The following STAU2 variants were observed in gnomAD, a reference collection of about 807,000 sequenced individuals.
The protein encoded by STAU2 is staufen double-stranded RNA binding protein 2.
A neutral mutation model predicts 65.9 loss-of-function variants in STAU2; 20 were observed. The ratio of observed to expected loss-of-function variants is 0.30; its 90% CI spans 0.21 to 0.44. The LOEUF (loss-of-function observed/expected upper bound fraction) is 0.44, where lower values mean the gene tolerates loss of function less well. Ranked by LOEUF, STAU2 falls within the 20% of genes least tolerant of loss-of-function variation. STAU2 has a pLI of 1.00. For missense variants in STAU2, 558 were observed against 683.9 expected, an observed-to-expected ratio of 0.82 and a Z score of 2.05; for synonymous variants, 232 against 233.9, an observed-to-expected ratio of 0.99 and a Z score of 0.07.
intron 13 of STAU2, among the ~76,000 whole-genome samples, chr8:73,538,513 T>C (rs576007205): frequency 1.3e-5 from 2 of 152,072 alleles, no homozygotes; most frequent in Non-Finnish European, 1.5e-5. Context: ...TTTCTCTTAA[T>C]TAGAAAAACA....
intron 13 of STAU2, among the ~76,000 whole-genome samples, chr8:73,423,169 A>G (rs927983857): frequency 6.6e-6 from 1 of 152,224 alleles, no homozygotes; most frequent in Non-Finnish European, 1.5e-5. Context: ...AGGAATGGAC[A>G]GTAGGTCCTC....
chr8:73,513,285 AT>A (rs989657315), intron 13 of STAU2, among the ~76,000 whole-genome samples: 1 of 151,986 alleles, frequency 6.6e-6, no homozygotes, highest in East Asian at 1.9e-4. Flanking sequence ...TTTAAAACTT[AT>A]TTTTGTTTTT....
At chr8:73,431,659 C>T (rs1156722236) in intron 13 of STAU2, among the ~76,000 whole-genome samples, 3 of 152,200 alleles carry the variant, frequency 2.0e-5, no homozygotes, top group South Asian at 4.1e-4. Flanking sequence ...TTTCATGTAT[C>T]GCTTGTTTTG....
chr8:73,551,991 G>T (rs761455599), intron 13 of STAU2, 21 bp downstream of exon 13: 5 of 1,524,920 alleles, frequency 3.3e-6, no homozygotes, highest in Admixed American at 4.4e-5. Context: ...TTTGTTTTTT[G>T]TTTTTGCTTT....
At position 73,728,246 on chromosome 8, in the gene STAU2, C is replaced by T. The variant is rs139972979; in HGVS notation, c.-18+10038G>A. ...TGGCATGTTTGTTAAAAATCAATTG[C>T]CTACATATATATTAATTCTGGACTC... On this transcript the variant is annotated intron_variant, in intron 3 of 14. Transcript: ENST00000524300. Among the ~76,000 whole-genome samples, 190 of 152,252 alleles carry T rather than the reference C, an allele frequency of 1.2e-3. 2 individuals are homozygous for T. The highest frequency in any genetic ancestry group is 4.0e-3 in the African/African-American group (166 of 41,544).
intron 3 of STAU2, among the ~76,000 whole-genome samples, chr8:73,734,148 T>G (rs995807104): frequency 6.6e-6 from 1 of 151,608 alleles, no homozygotes; most frequent in Non-Finnish European, 1.5e-5. Flanking sequence ...AATCTAGAAG[T>G]ATACACCCCA....
chr8:73,689,749 T>C (rs767060679), intron 4 of STAU2, among the ~76,000 whole-genome samples: 1 of 152,168 alleles, frequency 6.6e-6, no homozygotes, highest in Non-Finnish European at 1.5e-5. Context: ...CAAAAAAATA[T>C]ATATTATTGT....
chr8:73,531,011 G>GT (rs1805772846), intron 13 of STAU2, among the ~76,000 whole-genome samples: 1 of 152,214 alleles, frequency 6.6e-6, no homozygotes, highest in South Asian at 2.1e-4. Flanking sequence ...ACCAGGATGA[G>GT]TAGCAGCTTC....
chr8:73,578,625 G>C (rs1329458750), intron 12 of STAU2, among the ~76,000 whole-genome samples: 1 of 152,136 alleles, frequency 6.6e-6, no homozygotes, highest in African/African-American at 2.4e-5. Context: ...GCTTCAGATA[G>C]CCCTCTATTT....
chr8:73,542,569 A>G (rs886571878), intron 13 of STAU2, among the ~76,000 whole-genome samples: 37 of 152,302 alleles, frequency 2.4e-4, no homozygotes, highest in African/African-American at 8.9e-4. Context: ...GAGGGAGATA[A>G]TATTTGTAAT....
At chr8:73,522,255 ATACT>A (rs1415605985) in intron 13 of STAU2, among the ~76,000 whole-genome samples, 2 of 152,230 alleles carry the variant, frequency 1.3e-5, no homozygotes, top group Non-Finnish European at 2.9e-5. Flanking sequence ...ACAGGAAAAG[ATACT>A]TAGTAACATC....
intron 13 of STAU2, among the ~76,000 whole-genome samples, chr8:73,501,450 T>A (rs1041576722): frequency 5.3e-5 from 8 of 151,836 alleles, no homozygotes; most frequent in Non-Finnish European, 1.2e-4. Flanking sequence ...GTTGCTATTA[T>A]GTTATACACC....
At chr8:73,621,951 CTTTTT>C (rs751349117) in intron 6 of STAU2, among the ~76,000 whole-genome samples, 1 of 129,884 alleles carries the variant, frequency 7.7e-6, no homozygotes, top group East Asian at 2.2e-4. Context: ...GTCTTTCTCT[CTTTTT>C]TTTTTTTTTT....
At chr8:73,687,547 G>T (rs935812154) in intron 5 of STAU2, among the ~76,000 whole-genome samples, 10 of 139,994 alleles carry the variant, frequency 7.1e-5, no homozygotes, top group Non-Finnish European at 1.2e-4. Context: ...TTTAAAAAGA[G>T]AAATTAATCA....
At chr8:73,715,363 C>T (rs1317786126) in intron 3 of STAU2, among the ~76,000 whole-genome samples, 2 of 150,596 alleles carry the variant, frequency 1.3e-5, no homozygotes, top group South Asian at 2.1e-4. Context: ...GGCTGAGGCA[C>T]CAGAATCGCT....
intron 13 of STAU2, among the ~76,000 whole-genome samples, chr8:73,522,971 A>G (rs974066530): frequency 1.2e-4 from 18 of 152,130 alleles, no homozygotes; most frequent in Admixed American, 2.6e-4. Flanking sequence ...GCCAAGGCGC[A>G]CAGATCACGA....
intron 13 of STAU2, among the ~76,000 whole-genome samples, chr8:73,432,389 T>A (rs1483168415): frequency 6.6e-6 from 1 of 152,274 alleles, no homozygotes; most frequent in Non-Finnish European, 1.5e-5. Flanking sequence ...TCTCTGATAC[T>A]GAATCTATAT....
rs931015211 is a variant in STAU2, at chr8:73,461,719, G to T, written c.1531-39017C>A. On this transcript the variant is annotated intron_variant, in intron 13 of 14. Transcript: ENST00000524300. ...TAGGAGGGAGAGAATGAGGTGGGGA[G>T]AAGCAGAAGCCAGGCAGGAACGCAA... Among the ~76,000 whole-genome samples, 4 of 152,192 alleles carry T rather than the reference G, an allele frequency of 2.6e-5. 1 individual carries two copies. Among genetic ancestry groups the T allele is most frequent in the Non-Finnish European group, 1.5e-5 (1 of 68,016 alleles).
intron 13 of STAU2, among the ~76,000 whole-genome samples, chr8:73,521,355 C>A (rs946170765): frequency 6.6e-6 from 1 of 152,166 alleles, no homozygotes; most frequent in African/African-American, 2.4e-5. Context: ...TGGACATAAA[C>A]CCTTAAAGGT....
Sources: gnomAD v4.1 joint callset for allele counts (sites outside exome capture counted in the v4.1 genomes callset) on GRCh38, gnomAD v4.1.1 for gene constraint, MANE v1.5 for transcripts, NCBI Gene and HGNC (gene_info 2026-07-23, HGNC 2026-07-21) for gene names.